The following RNF150 variants were observed in gnomAD, a reference collection of about 807,000 sequenced individuals.
RNF150 encodes the protein ring finger protein 150.
A neutral mutation model predicts 39.3 loss-of-function variants in RNF150; 24 were observed. The ratio of observed to expected loss-of-function variants is 0.61; its 90% confidence interval spans 0.44 to 0.86. RNF150 has a LOEUF of 0.86. Ranked by LOEUF, RNF150 falls within the 40% of genes least tolerant of loss-of-function variation. The pLI is 0.00. For missense variants in RNF150, 502 were observed against 587.8 expected (o/e 0.85, Z 1.51); for synonymous variants, 255 against 227.3 (o/e 1.12, Z -1.10).
At chr4:140,910,936 G>A (rs1351738483) in intron 6 of RNF150, 3 of 600,314 alleles carry the variant, frequency 5.0e-6, no homozygotes, top group Non-Finnish European at 8.9e-6. Flanking sequence ...GGGCAGGCAG[G>A]AGCATGGGCA....
intron 1 of RNF150, among the ~76,000 whole-genome samples, chr4:141,034,160 G>T (rs1736056376): frequency 6.6e-6 from 1 of 152,156 alleles, no homozygotes; most frequent in Non-Finnish European, 1.5e-5. Context: ...TATCCTAGCT[G>T]GATCTTCTGA....
chr4:141,173,476 T>C (rs1005505634), intron 1 of RNF150, among the ~76,000 whole-genome samples: 3 of 152,212 alleles, frequency 2.0e-5, no homozygotes, highest in African/African-American at 7.2e-5. Flanking sequence ...TTGGTCCATT[T>C]GACAGAAGAT....
At chr4:141,124,063 A>C (rs1280454200) in intron 1 of RNF150, among the ~76,000 whole-genome samples, 1 of 152,254 alleles carries the variant, frequency 6.6e-6, no homozygotes, top group Non-Finnish European at 1.5e-5. Flanking sequence ...TCCTGCTTTA[A>C]GGTCCATGAA....
intron 1 of RNF150, among the ~76,000 whole-genome samples, chr4:141,074,157 C>A (rs977790836): frequency 6.6e-6 from 1 of 152,026 alleles, no homozygotes; most frequent in Non-Finnish European, 1.5e-5. Context: ...TGAATAAAAT[C>A]TTTCAGTCAC....
intron 1 of RNF150, among the ~76,000 whole-genome samples, chr4:141,037,581 T>C (rs1420622385): frequency 6.6e-6 from 1 of 152,144 alleles, no homozygotes; most frequent in East Asian, 1.9e-4. Flanking sequence ...TAAAATAATA[T>C]CATTTATTTT....
At chr4:140,896,689 A>AT (rs1560953012) in intron 6 of RNF150, among the ~76,000 whole-genome samples, 2 of 86,456 alleles carry the variant, frequency 2.3e-5, no homozygotes, top group South Asian at 4.3e-4. Context: ...GAGTATAATA[A>AT]AAAAAAAAAA....
intron 2 of RNF150, among the ~76,000 whole-genome samples, chr4:140,956,572 T>C (rs1296084237): frequency 6.6e-6 from 1 of 152,182 alleles, no homozygotes; most frequent in Non-Finnish European, 1.5e-5. Flanking sequence ...GCCAGCTTTC[T>C]GTATGGCAGA....
intron 1 of RNF150, among the ~76,000 whole-genome samples, chr4:141,064,910 G>A (rs1011951824): frequency 6.6e-6 from 1 of 152,166 alleles, no homozygotes; most frequent in Non-Finnish European, 1.5e-5. Flanking sequence ...TTGTTACCCA[G>A]GCTGGAGTGC....
At chr4:141,140,762 G>A (rs1420701039) in intron 1 of RNF150, among the ~76,000 whole-genome samples, 2 of 152,156 alleles carry the variant, frequency 1.3e-5, no homozygotes, top group Non-Finnish European at 2.9e-5. Flanking sequence ...CAAAAGAGGG[G>A]AGAGAATCCA....
chr4:141,208,589 C>T (rs924422775), intron 1 of RNF150, among the ~76,000 whole-genome samples: 5 of 152,156 alleles, frequency 3.3e-5, no homozygotes, highest in African/African-American at 1.2e-4. Context: ...TTCAATTTTG[C>T]TCTTTTTACA....
chr4:141,116,803 T>C (rs1739562605), intron 1 of RNF150, among the ~76,000 whole-genome samples: 1 of 152,218 alleles, frequency 6.6e-6, no homozygotes, highest in Admixed American at 6.5e-5. Flanking sequence ...TGAAATAGTA[T>C]GCAGCCATTA....
chr4:141,035,415 T>C (rs937670204), intron 1 of RNF150, among the ~76,000 whole-genome samples: 2 of 152,154 alleles, frequency 1.3e-5, no homozygotes, highest in Admixed American at 6.6e-5. Context: ...CTAAAAAGAA[T>C]GCTATGACTT....
intron 2 of RNF150, among the ~76,000 whole-genome samples, chr4:140,950,975 T>C (rs1424591942): frequency 6.6e-6 from 1 of 152,160 alleles, no homozygotes; most frequent in Non-Finnish European, 1.5e-5. Context: ...TCTTTAGTGA[T>C]AAATACCAGG....
At chr4:141,175,897 T>G (rs1305085789) in intron 1 of RNF150, among the ~76,000 whole-genome samples, 1 of 152,084 alleles carries the variant, frequency 6.6e-6, no homozygotes, top group Non-Finnish European at 1.5e-5. Context: ...TATCTTTATT[T>G]TTTTTGAGAC....
At chr4:141,071,104 T>C (rs376560282) in intron 1 of RNF150, among the ~76,000 whole-genome samples, 1 of 134,522 alleles carries the variant, frequency 7.4e-6, no homozygotes, top group African/African-American at 2.8e-5. Flanking sequence ...AAATTGGAAA[T>C]CATCATTCTC....
intron 6 of RNF150, among the ~76,000 whole-genome samples, chr4:140,873,660 G>A (rs924001814): frequency 6.6e-6 from 1 of 152,050 alleles, no homozygotes; most frequent in Non-Finnish European, 1.5e-5. Flanking sequence ...CTGATTAGAT[G>A]GAGCAGAAAA....
intron 4 of RNF150, among the ~76,000 whole-genome samples, chr4:140,943,809 G>T (rs1732181087): frequency 6.6e-6 from 1 of 152,144 alleles, no homozygotes; most frequent in East Asian, 1.9e-4. Context: ...ACTAGACAGG[G>T]TTTACATTTT....
At chr4:141,189,550 T>C (rs936350349) in intron 1 of RNF150, among the ~76,000 whole-genome samples, 2 of 152,144 alleles carry the variant, frequency 1.3e-5, no homozygotes, top group Admixed American at 6.5e-5. Context: ...GTTTTATCTA[T>C]AAGCCTCTGA....
intron 1 of RNF150, among the ~76,000 whole-genome samples, chr4:141,056,986 A>G (rs993838516): frequency 1.3e-5 from 2 of 152,124 alleles, no homozygotes; most frequent in Non-Finnish European, 2.9e-5. Context: ...GCTATGACAA[A>G]CCTTGACTAT....
Sources: allele counts gnomAD v4.1 joint callset (sites outside exome capture counted in the v4.1 genomes callset), GRCh38; gene constraint gnomAD v4.1.1; transcripts MANE v1.5; gene names NCBI Gene and HGNC (gene_info 2026-07-23, HGNC 2026-07-21).